Variants in GSE1 observed in about 807,000 individuals in gnomAD.
GSE1 encodes the protein genetic suppressor element 1.
In GSE1, 32 loss-of-function variants were observed where a neutral mutation model predicts 112.6. The ratio of observed to expected loss-of-function variants is 0.28; its 90% confidence interval spans 0.21 to 0.38. GSE1 has a LOEUF of 0.38. Ranked by LOEUF, GSE1 falls within the 10% of genes least tolerant of loss-of-function variation. The pLI is 1.00. For missense variants in GSE1, 2,348 were observed against 1,699.2 expected, an observed-to-expected ratio of 1.38 and a Z score of -6.71; for synonymous variants, 1,115 against 735.6, an observed-to-expected ratio of 1.52 and a Z score of -8.35.
chr16:85,191,591 G>A (rs896487941), intron 1 of GSE1, among the ~76,000 whole-genome samples: 3 of 152,126 alleles, frequency 2.0e-5, no homozygotes, highest in African/African-American at 7.2e-5. Context: ...TGTTCAGTAC[G>A]TACTTTCTAT....
At chr16:85,241,283 G>A (rs1351718117) in intron 1 of GSE1, among the ~76,000 whole-genome samples, 1 of 152,244 alleles carries the variant, frequency 6.6e-6, no homozygotes, top group Non-Finnish European at 1.5e-5. Flanking sequence ...AGAGGGCTGT[G>A]GTGAGGAGTC....
Position 85,622,822 on chromosome 16 carries a change from G to A in GSE1, c.7+9424G>A, listed in dbSNP as rs567392206. 4.6e-5 allele frequency among the ~76,000 whole-genome samples: 7 copies of A among 152,324 alleles called. No homozygotes were observed. In the South Asian group the frequency reaches 1.4e-3, roughly 32 times the overall value. On this transcript the variant is annotated intron_variant, in intron 1 of 15. Transcript: ENST00000253458. ...TGACCTCTTTCTGTTACACCCTCAT[G>A]GAGTTACCGTGTCGATGACATCTGA...
chr16:85,203,492 C>T (rs2075065208), intron 1 of GSE1, among the ~76,000 whole-genome samples: 2 of 152,174 alleles, frequency 1.3e-5, no homozygotes, highest in East Asian at 3.9e-4. Context: ...GGAGACCCTG[C>T]TCGCTCTTTC....
At chr16:85,309,737 G>A (rs1414622170) in intron 1 of GSE1, among the ~76,000 whole-genome samples, 4 of 152,334 alleles carry the variant, frequency 2.6e-5, no homozygotes, top group Admixed American at 6.5e-5. Context: ...GTGCTGTCGC[G>A]GTGCTGCAGA....
Position 85,519,923 on chromosome 16 carries a change from A to G in GSE1, c.2465-113991A>G, listed in dbSNP as rs555625918. Reference sequence around the variant, plus strand: ...AGGAGAAGGAAGGCACCTTTCTCTCATGCCCTCTATACTTGGGAAAGGGTC... The same window carrying G: ...AGGAGAAGGAAGGCACCTTTCTCTCGTGCCCTCTATACTTGGGAAAGGGTC... On this transcript the variant is annotated intron_variant, in intron 2 of 2. Coordinates refer to the GSE1 transcript ENST00000637419. Among the ~76,000 whole-genome samples, 238 of 152,300 alleles carry G rather than the reference A, an allele frequency of 1.6e-3. 1 individual carries two copies. The highest frequency in any genetic ancestry group is 9.1e-3 in the Admixed American group (139 of 15,284).
chr16:85,487,528 T>A (rs1230460381), intron 2 of GSE1, among the ~76,000 whole-genome samples: 7 of 152,154 alleles, frequency 4.6e-5, no homozygotes, highest in Non-Finnish European at 1.0e-4. Flanking sequence ...TTCCCCTTAT[T>A]TCTATCTGTG....
rs2053644154 is a variant in GSE1 at position 85,675,789 on chromosome 16, TTAAAGTG to T, written c.*3253_*3259del. 6.6e-6 allele frequency: 1 copy of T among 152,270 alleles called. No individual in the cohort carries two copies. The highest frequency in any genetic ancestry group is 6.5e-5 in the Admixed American group (1 of 15,286). 9.4% of individuals were successfully genotyped at this position (152,270 alleles called of 1,614,324 possible). A position where few individuals can be genotyped will look rare whatever the true frequency, so the allele number is the denominator to read the frequency against. On this transcript the variant is annotated 3_prime_UTR_variant, in exon 16 of 16. Coordinates refer to ENST00000253458, the MANE Select transcript of GSE1 (RefSeq NM_014615.5). ...CAGCACAAACCGATTCTGTTCCTCT[TTAAAGTG>T]TATATTAGCCACTTAGCAATCTCTA...
Position 85,661,191 on chromosome 16 carries a change from G to T in GSE1, c.1686G>T (p.Gln562His), listed in dbSNP as rs2052399151. 1 of 1,604,290 alleles carries T rather than the reference G, an allele frequency of 6.2e-7. No homozygotes were observed. The highest frequency in any genetic ancestry group is 1.3e-5 in the African/African-American group (1 of 74,858). ...RHEPGGRDPP[Q>H]HFGGPPPLIS... ...AGCCAGGTGGCCGTGACCCTCCGCA[G>T]CACTTTGGGGGGCCACCACCTCTGA... The change falls in exon 9 of 16, where the codon CAG becomes CAT. Residue 562 changes from glutamine (Q) to histidine (H), a missense_variant. Physicochemically the swap from Gln to His is conservative, Grantham distance 24. Coordinates refer to ENST00000253458, the MANE Select transcript of GSE1 (RefSeq NM_014615.5).
intron 2 of GSE1, among the ~76,000 whole-genome samples, chr16:85,534,168 C>T (rs1198742876): frequency 1.2e-4 from 18 of 150,476 alleles, no homozygotes; most frequent in African/African-American, 4.2e-4. Context: ...GTCGCCCAGG[C>T]TGGAGTGCAG....
At chr16:85,174,792 G>C (rs1395239420) in intron 1 of GSE1, among the ~76,000 whole-genome samples, 5 of 152,238 alleles carry the variant, frequency 3.3e-5, no homozygotes, top group Admixed American at 2.6e-4. Context: ...AATGAGAGCT[G>C]GGGCTCCGGG....
intron 2 of GSE1, among the ~76,000 whole-genome samples, chr16:85,516,707 C>T (rs893578434): frequency 1.3e-5 from 2 of 151,822 alleles, no homozygotes; most frequent in African/African-American, 4.8e-5. Context: ...ATTTTTTCCA[C>T]CTTGATTTGA....
At chr16:85,651,805 G>A (rs1463638619) in intron 3 of GSE1, among the ~76,000 whole-genome samples, 1 of 152,224 alleles carries the variant, frequency 6.6e-6, no homozygotes, top group Non-Finnish European at 1.5e-5. Flanking sequence ...CCGGGTGCCT[G>A]AGCAGGCGAG....
In GSE1 at chr16:85,312,473, C is replaced by T. The variant is rs117383982; in HGVS notation, c.2284-44990C>T. Among the ~76,000 whole-genome samples the T allele has an allele frequency of 6.8e-4, 104 of 152,326 alleles. 2 individuals are homozygous for T. In the East Asian group the frequency reaches 0.016, roughly 24 times the overall value. On this transcript the variant is annotated intron_variant, in intron 1 of 2. Transcript: ENST00000637419. ...TGCCCCGATCTCTGCCTCTCCTTCACGTGGCCTCCTCACTCTTTGTCCCCA... is the reference window on the plus strand; with the variant it reads ...TGCCCCGATCTCTGCCTCTCCTTCATGTGGCCTCCTCACTCTTTGTCCCCA...
At chr16:85,356,066 CTGTGGGCA>C (rs913432039) in intron 1 of GSE1, among the ~76,000 whole-genome samples, 2 of 152,126 alleles carry the variant, frequency 1.3e-5, no homozygotes, top group African/African-American at 4.8e-5. Context: ...AAAGTGAGGG[CTGTGGGCA>C]TGGGATGACC....
Position 85,613,909 on chromosome 16 carries a change from C to T in GSE1, c.7+511C>T, listed in dbSNP as rs1182672303. Among the ~76,000 whole-genome samples, 8 of 147,746 alleles carry T rather than the reference C, an allele frequency of 5.4e-5. No homozygotes were observed. In the East Asian group the frequency reaches 1.2e-3, roughly 23 times the overall value. On this transcript the variant is annotated intron_variant, in intron 1 of 15. Transcript: ENST00000253458. ...GGGCCGCGCCGGTTAGGGTTCTTGT[C>T]TTGCTCCCCTCCCCCTCCCCGACCC...
At chr16:85,248,429 G>A (rs1004629652) in intron 1 of GSE1, among the ~76,000 whole-genome samples, 4 of 149,604 alleles carry the variant, frequency 2.7e-5, no homozygotes, top group Admixed American at 1.3e-4. Flanking sequence ...TTCTCTTCCC[G>A]CATCTCTCTC....
chr16:85,505,763 A>G (rs1359900260), intron 2 of GSE1, among the ~76,000 whole-genome samples: 2 of 152,172 alleles, frequency 1.3e-5, no homozygotes, highest in East Asian at 3.9e-4. Context: ...TCACACCTGC[A>G]ACCCCAGCAC....
chr16:85,241,760 T>G (rs904254221), intron 1 of GSE1, among the ~76,000 whole-genome samples: 2 of 152,258 alleles, frequency 1.3e-5, no homozygotes. Context: ...GGCTCCCAGC[T>G]GGGATTCAAA....
intron 1 of GSE1, among the ~76,000 whole-genome samples, chr16:85,343,022 C>T (rs979941715): frequency 1.3e-5 from 2 of 151,994 alleles, no homozygotes; most frequent in African/African-American, 2.4e-5. Context: ...TGGAGAAGGC[C>T]TGGGGGTGCA....
Sources: gnomAD v4.1 joint callset for allele counts (sites outside exome capture counted in the v4.1 genomes callset) on GRCh38, gnomAD v4.1.1 for gene constraint, MANE v1.5 for transcripts, NCBI Gene and HGNC (gene_info 2026-07-23, HGNC 2026-07-21) for gene names.